FIGNL2: variants seen among roughly 807,000 people sequenced by gnomAD.
FIGNL2 encodes the protein fidgetin-like protein 2.
For missense variants in FIGNL2, 1,060 were observed against 950.2 expected (o/e 1.12, Z -1.52); for synonymous variants, 565 against 484.0 (o/e 1.17, Z -2.20).
intron 1 of FIGNL2, among the ~76,000 whole-genome samples, chr12:51,846,836 G>A (rs1041600252): frequency 3.3e-5 from 5 of 152,190 alleles, no homozygotes; most frequent in African/African-American, 1.2e-4. Flanking sequence ...AAAGGGCTTC[G>A]CCCAGAAGAT....
chr12:51,842,499 C>G (rs1462998439), intron 1 of FIGNL2, among the ~76,000 whole-genome samples: 1 of 152,162 alleles, frequency 6.6e-6, no homozygotes, highest in African/African-American at 2.4e-5. Context: ...CAGGTATAAC[C>G]TAAATCCTAC....
intron 1 of FIGNL2, among the ~76,000 whole-genome samples, chr12:51,830,118 A>G (rs1345692605): frequency 1.3e-5 from 2 of 152,008 alleles, no homozygotes; most frequent in Non-Finnish European, 2.9e-5. Flanking sequence ...GTGAAACTCC[A>G]TCTCTACTAA....
At chr12:51,845,458 C>A (rs924054161) in intron 1 of FIGNL2, 1 of 918,370 alleles carries the variant, frequency 1.1e-6, no homozygotes, top group Non-Finnish European at 1.2e-6. Context: ...TTGTGGCTCA[C>A]CGCCCCCCCC....
At chr12:51,831,780 G>C (rs939071739) in intron 1 of FIGNL2, 2 of 154,246 alleles carry the variant, frequency 1.3e-5, no homozygotes, top group African/African-American at 4.8e-5. Flanking sequence ...CTCTCTGCTG[G>C]GTCACTCTCA....
At chr12:51,824,161 T>A (rs1458194896) in intron 1 of FIGNL2, 1 of 152,280 alleles carries the variant, frequency 6.6e-6, no homozygotes, top group South Asian at 2.1e-4. Flanking sequence ...TCTGCTGCAC[T>A]GGAATTGTGA....
chr12:51,846,454 A>G (rs1237665899), intron 1 of FIGNL2, among the ~76,000 whole-genome samples: 2 of 152,218 alleles, frequency 1.3e-5, no homozygotes, highest in Admixed American at 6.5e-5. Context: ...CTCAGCAATA[A>G]AGCTGCGGCC....
intron 1 of FIGNL2, chr12:51,845,669 G>A (rs1413612767): frequency 1.7e-5 from 17 of 985,284 alleles, no homozygotes; most frequent in Non-Finnish European, 2.0e-5. Flanking sequence ...AAGGCACAGG[G>A]AAGGTGAGGG....
intron 1 of FIGNL2, chr12:51,848,046 G>C (rs1939789624): frequency 2.3e-5 from 19 of 835,090 alleles, no homozygotes; most frequent in Non-Finnish European, 2.7e-5. Context: ...CACCATGCTG[G>C]GGAATCTCCG....
chr12:51,845,562 C>A (rs1312264827), intron 1 of FIGNL2: 1 of 985,312 alleles, frequency 1.0e-6, no homozygotes, highest in African/African-American at 1.7e-5. Flanking sequence ...AGCCCTGGAG[C>A]TTTGCAGAGC....
chr12:51,822,360 G>T lies in FIGNL2; in HGVS notation c.54C>A (p.His18Gln), dbSNP rs1231443740. 2 of 1,613,544 alleles carry T rather than the reference G, an allele frequency of 1.2e-6. No homozygotes were observed. Among genetic ancestry groups the T allele is most frequent in the Admixed American group, 1.7e-5 (1 of 59,952 alleles). Residue 18 changes from histidine (H) to glutamine (Q), a missense_variant, in exon 2 of 2, where the codon CAC (histidine) becomes CAA (glutamine). Coordinates refer to ENST00000618634, the MANE Select transcript of FIGNL2 (RefSeq NM_001384995.1). ...AQPLNQWPEQ[H>Q]LDVSSTTPSP... Reference sequence around the variant, plus strand: ...ACGGGGTGGTGGAGGAGACGTCCAGGTGCTGCTCTGGCCACTGGTTGAGGG... The same window carrying T: ...ACGGGGTGGTGGAGGAGACGTCCAGTTGCTGCTCTGGCCACTGGTTGAGGG...
At chr12:51,827,157 G>A (rs1939362774) in intron 1 of FIGNL2, among the ~76,000 whole-genome samples, 1 of 152,198 alleles carries the variant, frequency 6.6e-6, no homozygotes, top group Admixed American at 6.5e-5. Context: ...GCCTCCCACA[G>A]GAGCCTCAGG....
chr12:51,819,179 T>C lies in FIGNL2; in HGVS notation c.*1273A>G, dbSNP rs913977724. On this transcript the variant is annotated 3_prime_UTR_variant, in exon 2 of 2. Transcript: ENST00000618634. ...CAGGGGACATGACCTTTCTGGAGACTTTCTGCTTAGGTCACCTTCCCATTT... is the reference window on the plus strand; with the variant it reads ...CAGGGGACATGACCTTTCTGGAGACCTTCTGCTTAGGTCACCTTCCCATTT... The C allele has an allele frequency of 3.9e-5, 6 of 152,280 alleles. No individual in the cohort carries two copies. Among genetic ancestry groups the C allele is most frequent in the African/African-American group, 1.2e-4 (5 of 41,460 alleles). The allele number at this position is 152,280 out of a possible 1,614,324, so 9.4% of individuals were successfully genotyped here. A position where few individuals can be genotyped will look rare whatever the true frequency, so the allele number is the denominator to read the frequency against.
At chr12:51,839,101 G>A (rs1939622000) in intron 1 of FIGNL2, among the ~76,000 whole-genome samples, 1 of 127,174 alleles carries the variant, frequency 7.9e-6, no homozygotes, top group Admixed American at 9.3e-5. Flanking sequence ...GAAACTGCCA[G>A]GCAAGTCTCA....
rs559152620 is a variant in FIGNL2 at position 51,826,453 on chromosome 12, A to G, written c.-11-4029T>C. 3.9e-3 allele frequency among the ~76,000 whole-genome samples: 564 copies of G among 143,372 alleles called. 2 individuals carry two copies. The highest frequency in any genetic ancestry group is 0.014 in the African/African-American group (522 of 38,642). 94.1% of individuals were successfully genotyped at this position (143,372 alleles called of 152,430 possible). ...AGGCCAGCCTAGCCAACGTGGTGAAACCCCTCTGTACTAAAAATACAAAAA... is the reference window on the plus strand; with the variant it reads ...AGGCCAGCCTAGCCAACGTGGTGAAGCCCCTCTGTACTAAAAATACAAAAA... On this transcript the variant is annotated intron_variant, in intron 1 of 1. Transcript: ENST00000618634.
Position 51,821,819 on chromosome 12 carries a change from A to G in FIGNL2, c.595T>C (p.Ser199Pro). The G allele has an allele frequency of 7.9e-7, 1 of 1,272,806 alleles. No individual in the cohort carries two copies. The highest frequency in any genetic ancestry group is 9.9e-7 in the Non-Finnish European group (1 of 1,013,942). 78.8% of individuals were successfully genotyped at this position (1,272,806 alleles called of 1,614,324 possible). ...GCGGGATAGTTGTACAGCGGCGCTGAGGGCCCGTACCCCGGAGGCGGTGGG... is the reference window on the plus strand; with the variant it reads ...GCGGGATAGTTGTACAGCGGCGCTGGGGGCCCGTACCCCGGAGGCGGTGGG... ...QPPPPPGYGP[S>P]APLYNYPAGG... The change falls in exon 2 of 2, where the codon TCA becomes CCA. Residue 199 changes from serine (S) to proline (P), a missense_variant. By Grantham distance (74) the Ser-to-Pro change is moderately conservative. Transcript: ENST00000618634.
chr12:51,821,262 G>T lies in FIGNL2; in HGVS notation c.1152C>A (p.Asp384Glu). ...ALELVTSKMV[D>E]CGPPVQWADV... ...CCGCCCACTGCACCGGGGGCCCGCA[G>T]TCCACCATCTTGCTCGTCACCAGCT... The change falls in exon 2 of 2, where the codon GAC becomes GAA. Residue 384 changes from aspartate to glutamate, a missense_variant. By Grantham distance (45) the Asp-to-Glu change is conservative. Coordinates refer to ENST00000618634, the MANE Select transcript of FIGNL2 (RefSeq NM_001384995.1). The T allele has an allele frequency of 6.6e-7, 1 of 1,526,504 alleles. No homozygotes were observed. The highest frequency in any genetic ancestry group is 8.8e-7 in the Non-Finnish European group (1 of 1,142,826). 94.6% of individuals were successfully genotyped at this position (1,526,504 alleles called of 1,614,324 possible). A position where few individuals can be genotyped will look rare whatever the true frequency, so the allele number is the denominator to read the frequency against.
rs1207548905 is a variant in FIGNL2, at chr12:51,848,628, C to T, written c.-100G>A. ...CCGGGGCGGCGGCGCGGGCCGGGGG[C>T]GACAGGCCTGGGCTGGGGGGCAGTG... On this transcript the variant is annotated 5_prime_UTR_variant, in exon 1 of 2. Coordinates refer to ENST00000618634, the MANE Select transcript of FIGNL2 (RefSeq NM_001384995.1). 3.9e-6 allele frequency: 3 copies of T among 760,094 alleles called. No homozygotes were observed. Among genetic ancestry groups the T allele is most frequent in the African/African-American group, 1.9e-5 (1 of 52,584 alleles). The allele number at this position is 760,094 out of a possible 1,614,324, so 47.1% of individuals were successfully genotyped here.
At chr12:51,840,230 G>A (rs1323694149) in intron 1 of FIGNL2, among the ~76,000 whole-genome samples, 4 of 152,158 alleles carry the variant, frequency 2.6e-5, no homozygotes, top group African/African-American at 9.7e-5. Context: ...GGGCTGGTGA[G>A]GTCCTTCCAG....
At chr12:51,822,567 G>C (rs1244136195) in intron 1 of FIGNL2, 143 bp from the exon 2 acceptor site, 2 of 861,124 alleles carry the variant, frequency 2.3e-6, no homozygotes, top group Admixed American at 5.0e-5. Context: ...CCACTCTCTT[G>C]GGGCCCTCCC....
Sources: allele counts gnomAD v4.1 joint callset (sites outside exome capture counted in the v4.1 genomes callset), GRCh38; gene constraint gnomAD v4.1.1; transcripts MANE v1.5; gene names NCBI Gene and HGNC (gene_info 2026-07-23, HGNC 2026-07-21).